FAM168B: variants seen among roughly 807,000 people sequenced by gnomAD.
The protein encoded by FAM168B is myelin-associated neurite-outgrowth inhibitor.
FAM168B carries 19 observed loss-of-function variants against 21.8 expected under a neutral mutation model. The ratio of observed to expected loss-of-function variants is 0.87; its 90% CI spans 0.61 to 1.28. The LOEUF (loss-of-function observed/expected upper bound fraction) is 1.28. Ranked by LOEUF, FAM168B falls within the 50% of genes most tolerant of loss-of-function variation. The probability of loss-of-function intolerance (pLI) is 0.00; values close to 1 mark genes in which losing one functional copy is unlikely to be tolerated. For synonymous variants in FAM168B, 126 were observed against 104.8 expected, an observed-to-expected ratio of 1.20 and a Z score of -1.24; for missense variants, 233 against 263.1, an observed-to-expected ratio of 0.89 and a Z score of 0.79.
At chr2:131,066,712 G>T (rs566223391) in intron 3 of FAM168B, among the ~76,000 whole-genome samples, 22 of 152,206 alleles carry the variant, frequency 1.4e-4, no homozygotes, top group African/African-American at 5.1e-4. Flanking sequence ...AGAAATCAAG[G>T]AGTTATTTAT....
chr2:131,089,856 AC>A (rs1469470255), intron 1 of FAM168B, among the ~76,000 whole-genome samples: 1 of 150,002 alleles, frequency 6.7e-6, no homozygotes, highest in Non-Finnish European at 1.5e-5. Context: ...ACATGGTGAA[AC>A]CCCGTCTCTA....
intron 2 of FAM168B, among the ~76,000 whole-genome samples, chr2:131,072,155 C>T (rs1031120627): frequency 6.6e-6 from 1 of 152,188 alleles, no homozygotes; most frequent in Admixed American, 6.5e-5. Flanking sequence ...CAGAGTTTCA[C>T]TTTCATCGCC....
chr2:131,066,618 G>T (rs1476356989), intron 3 of FAM168B, among the ~76,000 whole-genome samples: 1 of 152,190 alleles, frequency 6.6e-6, no homozygotes, highest in Non-Finnish European at 1.5e-5. Context: ...GTGACTCTAA[G>T]TAGGACCAGA....
At chr2:131,053,161 AT>A in intron 5 of FAM168B, 146 bp from the exon 6 acceptor site, 1 of 1,226,018 alleles carries the variant, frequency 8.2e-7, no homozygotes, top group Non-Finnish European at 1.1e-6. Flanking sequence ...CAGAACTCTG[AT>A]TAGATAATCC....
intron 1 of FAM168B, among the ~76,000 whole-genome samples, chr2:131,084,713 A>G (rs1026683843): frequency 4.6e-5 from 7 of 152,076 alleles, no homozygotes; most frequent in Non-Finnish European, 8.8e-5. Context: ...TCAGCTCTCT[A>G]GTAAGCTCCT....
At chr2:131,064,235 ATT>A (rs925641895) in intron 3 of FAM168B, among the ~76,000 whole-genome samples, 7 of 149,252 alleles carry the variant, frequency 4.7e-5, no homozygotes, top group Non-Finnish European at 8.9e-5. Context: ...TAAATAGGTC[ATT>A]TTTTTTTTCA....
chr2:131,051,714 C>A lies in FAM168B; in HGVS notation c.*751G>T. 1 of 985,384 alleles carries A rather than the reference C, an allele frequency of 1.0e-6. No individual in the cohort carries two copies. Among genetic ancestry groups the A allele is most frequent in the East Asian group, 1.1e-4 (1 of 8,806 alleles). The allele number at this position is 985,384 out of a possible 1,614,324, so 61.0% of individuals were successfully genotyped here. The stretch of plus-strand genomic sequence containing the variant: ...GCTGACACATAAACCACCCCCCTCG[C>A]CCCAAATTTCACTGGCCACACTACC... On this transcript the variant is annotated 3_prime_UTR_variant, in exon 7 of 7. Coordinates refer to ENST00000389915, the MANE Select transcript of FAM168B (RefSeq NM_001009993.4).
chr2:131,084,437 A>T (rs981902271), intron 1 of FAM168B, among the ~76,000 whole-genome samples: 1 of 151,124 alleles, frequency 6.6e-6, no homozygotes, highest in Non-Finnish European at 1.5e-5. Flanking sequence ...TGGGCTCAAG[A>T]TATCCACCCA....
chr2:131,066,026 C>T (rs1692539213), intron 3 of FAM168B, among the ~76,000 whole-genome samples: 1 of 152,130 alleles, frequency 6.6e-6, no homozygotes, highest in South Asian at 2.1e-4. Flanking sequence ...CGAAAGGGTT[C>T]ATTTTTAAGC....
At chr2:131,090,081 A>C (rs1435282498) in intron 1 of FAM168B, among the ~76,000 whole-genome samples, 4 of 145,878 alleles carry the variant, frequency 2.7e-5, no homozygotes, top group African/African-American at 7.6e-5. Context: ...GCACTTCGGG[A>C]GGCCGACGAG....
At chr2:131,053,506 T>C (rs1479303926) in intron 5 of FAM168B, among the ~76,000 whole-genome samples, 1 of 152,192 alleles carries the variant, frequency 6.6e-6, no homozygotes, top group South Asian at 2.1e-4. Context: ...GAGTTCAGAT[T>C]TGCAGGATAA....
chr2:131,068,711 G>C (rs1480612682), intron 3 of FAM168B, among the ~76,000 whole-genome samples: 2 of 152,144 alleles, frequency 1.3e-5, no homozygotes, highest in Non-Finnish European at 2.9e-5. Context: ...AGAAAGGAGA[G>C]ATGTTCGAGA....
chr2:131,053,794 G>A (rs1691842895), intron 5 of FAM168B, among the ~76,000 whole-genome samples: 1 of 152,162 alleles, frequency 6.6e-6, no homozygotes, highest in Non-Finnish European at 1.5e-5. Flanking sequence ...AGGATGGCTT[G>A]AGCCCATGAG....
rs922194862 is a variant in FAM168B at position 131,050,574 on chromosome 2, T to C, written c.*1891A>G. 2.0e-6 allele frequency: 2 copies of C among 985,656 alleles called. No homozygotes were observed. Among genetic ancestry groups the C allele is most frequent in the Non-Finnish European group, 2.4e-6 (2 of 829,896 alleles). 61.1% of individuals were successfully genotyped at this position (985,656 alleles called of 1,614,324 possible). ...CTTATCAGTAAACATTCTATGTTAA[T>C]AGACATCAGGAATAAAGAATCTGCT... is the stretch of plus-strand genomic sequence containing the variant. On this transcript the variant is annotated 3_prime_UTR_variant, in exon 7 of 7. Transcript: ENST00000389915.
At chr2:131,088,243 CT>C (rs1440482967) in intron 1 of FAM168B, among the ~76,000 whole-genome samples, 1 of 130,212 alleles carries the variant, frequency 7.7e-6, no homozygotes, top group African/African-American at 4.4e-5. Flanking sequence ...AAGACTCTGT[CT>C]GGGGGGAAAA....
At chr2:131,092,516 CTTT>C (rs1395659375) in intron 1 of FAM168B, among the ~76,000 whole-genome samples, 1 of 152,100 alleles carries the variant, frequency 6.6e-6, no homozygotes, top group Non-Finnish European at 1.5e-5. Flanking sequence ...CTATATAAAC[CTTT>C]TTATTTATAA....
At position 131,049,155 on chromosome 2, in the gene FAM168B, A is replaced by C. The variant is rs1691491256; in HGVS notation, c.*3310T>G. ...TTAGTACGTCGCAAGTTGCTGTAAT[A>C]ATGTATTTCCTCTCGTTACTGTTGT... On this transcript the variant is annotated 3_prime_UTR_variant, in exon 7 of 7. Transcript: ENST00000389915. The C allele has an allele frequency of 1.0e-6, 1 of 985,240 alleles. No individual in the cohort carries two copies. 61.0% of individuals were successfully genotyped at this position (985,240 alleles called of 1,614,324 possible).
intron 3 of FAM168B, among the ~76,000 whole-genome samples, chr2:131,058,080 C>T (rs1692113608): frequency 6.6e-6 from 1 of 152,118 alleles, no homozygotes; most frequent in Admixed American, 6.5e-5. Context: ...GATCCTCCTG[C>T]CTCAGCCTCC....
At chr2:131,078,184 T>C (rs1304636435) in intron 2 of FAM168B, among the ~76,000 whole-genome samples, 2 of 151,970 alleles carry the variant, frequency 1.3e-5, no homozygotes, top group African/African-American at 2.4e-5. Context: ...ACAGAACAAA[T>C]GGACAATAAA....
Sources: gnomAD v4.1 joint callset for allele counts (sites outside exome capture counted in the v4.1 genomes callset) on GRCh38, gnomAD v4.1.1 for gene constraint, MANE v1.5 for transcripts, NCBI Gene and HGNC (gene_info 2026-07-23, HGNC 2026-07-21) for gene names.